The following PPEF2 variants were observed in gnomAD, a reference collection of about 807,000 sequenced individuals.
The protein encoded by PPEF2 is serine/threonine-protein phosphatase with EF-hands 2.
PPEF2 carries 84 observed loss-of-function variants against 84.7 expected under a neutral mutation model. The ratio of observed to expected loss-of-function variants is 0.99; its 90% CI spans 0.83 to 1.19. The LOEUF (loss-of-function observed/expected upper bound fraction) is 1.19, where lower values mean the gene tolerates loss of function less well. PPEF2 is among the 50% of genes most tolerant of loss of function. The pLI is 0.00. For synonymous variants in PPEF2, 346 were observed against 345.2 expected (o/e 1.00, Z -0.03); for missense variants, 924 against 937.5 (o/e 0.99, Z 0.19).
chr4:75,871,943 A>T, intron 13 of PPEF2, 82 bp downstream of exon 13: 1 of 1,403,038 alleles, frequency 7.1e-7, no homozygotes, highest in Non-Finnish European at 9.7e-7. Context: ...ATTTGAATAA[A>T]TATAACGTTT....
At chr4:75,886,700 G>GC in intron 7 of PPEF2, 152 bp downstream of exon 7, 1 of 350,438 alleles carries the variant, frequency 2.9e-6, no homozygotes, top group Non-Finnish European at 5.2e-6. Flanking sequence ...AGCCTAGGTG[G>GC]CAGATTGAGA....
At chr4:75,861,440 A>G (rs1233762329) in intron 16 of PPEF2, among the ~76,000 whole-genome samples, 1 of 112,522 alleles carries the variant, frequency 8.9e-6, no homozygotes, top group African/African-American at 2.7e-5. Context: ...TTCAACAATG[A>G]TGGGGGACAA....
chr4:75,891,745 C>T (rs1291528007), intron 3 of PPEF2, 40 bp from the exon 4 acceptor site: 22 of 1,598,868 alleles, frequency 1.4e-5, no homozygotes, highest in South Asian at 2.3e-5. Context: ...TAGAGGTGAG[C>T]GAAAAGAGAA....
chr4:75,864,655 C>A, intron 15 of PPEF2, 128 bp from the exon 16 acceptor site: 1 of 703,980 alleles, frequency 1.4e-6, no homozygotes, highest in Non-Finnish European at 2.5e-6. Context: ...GCCATCCCTC[C>A]ATTCCCTCTA....
chr4:75,884,531 G>C, intron 8 of PPEF2, 63 bp downstream of exon 8: 4 of 1,463,928 alleles, frequency 2.7e-6, no homozygotes, highest in Non-Finnish European at 3.7e-6. Flanking sequence ...AAGTTCTGGA[G>C]AAATAACATT....
At chr4:75,888,176 G>C (rs1208886670) in intron 6 of PPEF2, 38 bp downstream of exon 6, 1 of 1,451,684 alleles carries the variant, frequency 6.9e-7, no homozygotes, top group Non-Finnish European at 9.7e-7. Flanking sequence ...ATTCTTCTTT[G>C]TGTGCAGCAT....
chr4:75,880,798 T>C (rs868285220), intron 10 of PPEF2, among the ~76,000 whole-genome samples: 4 of 102,890 alleles, frequency 3.9e-5, no homozygotes, highest in Non-Finnish European at 5.5e-5. Flanking sequence ...CCCATCCCTA[T>C]AAATACTTTT....
chr4:75,863,585 A>G (rs564690747), intron 16 of PPEF2, among the ~76,000 whole-genome samples: 8 of 152,188 alleles, frequency 5.3e-5, no homozygotes, highest in African/African-American at 1.9e-4. Flanking sequence ...ACTAAGTTGC[A>G]TACTTCATAC....
Position 75,883,210 on chromosome 4 carries a change from T to C in PPEF2, c.747-8A>G. Reference sequence around the variant, plus strand: ...TCCTTGGTGAAGCCATATCTAGATTTAGAAGCACAAATAGATATTAGAGTA... The same window carrying C: ...TCCTTGGTGAAGCCATATCTAGATTCAGAAGCACAAATAGATATTAGAGTA... On this transcript the variant is annotated splice_region_variant and splice_polypyrimidine_tract_variant and intron_variant, in intron 8 of 16. Transcript: ENST00000286719. 1 of 1,612,092 alleles carries C rather than the reference T, an allele frequency of 6.2e-7. No homozygotes were observed. The highest frequency in any genetic ancestry group is 8.5e-7 in the Non-Finnish European group (1 of 1,178,674).
At chr4:75,882,033 A>T (rs7668165) in intron 10 of PPEF2, 1 of 151,906 alleles carries the variant, frequency 6.6e-6, no homozygotes, top group East Asian at 1.9e-4. Context: ...GAAAATAGAA[A>T]CTTTGCTTCC....
At chr4:75,897,196 T>C (rs1214096518) in intron 1 of PPEF2, among the ~76,000 whole-genome samples, 1 of 152,178 alleles carries the variant, frequency 6.6e-6, no homozygotes, top group Non-Finnish European at 1.5e-5. Flanking sequence ...GCTTCTGTGA[T>C]ACTAAACTCT....
intron 2 of PPEF2, among the ~76,000 whole-genome samples, chr4:75,892,514 G>A (rs1372852080): frequency 6.6e-6 from 1 of 151,572 alleles, no homozygotes; most frequent in Non-Finnish European, 1.5e-5. Flanking sequence ...TGAAGACTAG[G>A]AAAAGCAAAC....
intron 13 of PPEF2, among the ~76,000 whole-genome samples, chr4:75,869,868 A>G (rs4859561): frequency 0.97 from 147,692 of 151,828 alleles, 71,974 homozygotes; most frequent in Middle Eastern, 1. Flanking sequence ...AAAAAAAAGA[A>G]AAAAGAAAAA....
intron 5 of PPEF2, chr4:75,888,980 GGT>G: frequency 1.3e-5 from 2 of 152,444 alleles, no homozygotes; most frequent in African/African-American, 4.8e-5. Flanking sequence ...GGGAGGCTGA[GGT>G]AGGCAGATCA....
chr4:75,866,084 A>G (rs537769000), intron 15 of PPEF2, 105 bp downstream of exon 15: 1 of 1,281,090 alleles, frequency 7.8e-7, no homozygotes, highest in Admixed American at 2.4e-5. Context: ...TTTCTCACCC[A>G]TCCAGCTTTT....
At chr4:75,882,232 T>C (rs2174515) in intron 10 of PPEF2, among the ~76,000 whole-genome samples, 131,815 of 152,156 alleles carry the variant, frequency 0.87, 59,911 homozygotes, top group East Asian at 0.99. Context: ...TAGTAAGCAC[T>C]CAAAGCACAT....
intron 13 of PPEF2, among the ~76,000 whole-genome samples, chr4:75,869,721 G>C (rs1054468183): frequency 6.6e-6 from 1 of 152,150 alleles, no homozygotes; most frequent in African/African-American, 2.4e-5. Flanking sequence ...GATGGCGCAC[G>C]CCTGTAGTAC....
chr4:75,895,336 G>C, intron 2 of PPEF2, among the ~76,000 whole-genome samples: 1 of 152,048 alleles, frequency 6.6e-6, no homozygotes, highest in East Asian at 1.9e-4. Flanking sequence ...GGCTGAGGCA[G>C]GAGAATCGCT....
intron 1 of PPEF2, among the ~76,000 whole-genome samples, chr4:75,896,844 G>T (rs1467293212): frequency 6.7e-6 from 1 of 148,406 alleles, no homozygotes; most frequent in East Asian, 2.0e-4. Context: ...TGCCAGAACA[G>T]CAAGGCCATC....
Sources: allele counts gnomAD v4.1 joint callset (sites outside exome capture counted in the v4.1 genomes callset), GRCh38; gene constraint gnomAD v4.1.1; transcripts MANE v1.5; gene names NCBI Gene and HGNC (gene_info 2026-07-23, HGNC 2026-07-21).